Variants in ADGRA3 observed in about 807,000 individuals in gnomAD.
ADGRA3 encodes the protein adhesion G protein-coupled receptor A3, also known as G-protein coupled receptor 125.
In ADGRA3, 56 loss-of-function variants were observed where a neutral mutation model predicts 119.8. The ratio of observed to expected loss-of-function variants is 0.47; its 90% CI spans 0.38 to 0.58. ADGRA3 has a LOEUF of 0.58. Among genes scored for constraint, ADGRA3 ranks in the 20% least tolerant of loss-of-function variants. ADGRA3 has a pLI of 0.00. For missense variants in ADGRA3, 1,516 were observed against 1,649.0 expected, an observed-to-expected ratio of 0.92 and a Z score of 1.40; for synonymous variants, 607 against 623.8, an observed-to-expected ratio of 0.97 and a Z score of 0.40.
intron 6 of ADGRA3, among the ~76,000 whole-genome samples, chr4:22,443,984 C>A (rs1231097049): frequency 3.9e-5 from 6 of 152,132 alleles, no homozygotes; most frequent in African/African-American, 1.4e-4. Flanking sequence ...CACTTTAGGA[C>A]TGTTTTTGTT....
At chr4:22,391,527 A>C (rs1045266923) in intron 17 of ADGRA3, among the ~76,000 whole-genome samples, 4 of 152,076 alleles carry the variant, frequency 2.6e-5, no homozygotes, top group African/African-American at 9.7e-5. Flanking sequence ...GTTCTCCCTG[A>C]CACTGTTCTG....
In ADGRA3 at chr4:22,388,416, C is replaced by G. The variant is rs1382402404; in HGVS notation, c.3255G>C (p.Glu1085Asp). Residue 1085 changes from glutamate (E) to aspartate (D), a missense_variant, in exon 19 of 19, where the codon GAG becomes GAC. Glu to Asp is a conservative substitution (Grantham distance 45). Around this residue, in one of 2 missense-constraint regions of ADGRA3, gnomAD observed 1,088 missense variants for 1,107.1 expected, o/e 0.98. Coordinates refer to ENST00000334304, the MANE Select transcript of ADGRA3 (RefSeq NM_145290.4). ...QPPNSNGTNGEAPKCPNSSAE... is the reference protein window; with the variant it reads ...QPPNSNGTNGDAPKCPNSSAE... ...CACTGCTATTGGGGCATTTGGGTGC[C>G]TCTCCATTCGTCCCATTAGAGTTGG... 8.7e-6 allele frequency: 14 copies of G among 1,614,068 alleles called. No individual in the cohort carries two copies. The South Asian group carries it at 1.5e-4, about 18-fold the overall frequency.
intron 7 of ADGRA3, among the ~76,000 whole-genome samples, chr4:22,440,738 A>C (rs1716579070): frequency 6.6e-6 from 1 of 152,210 alleles, no homozygotes; most frequent in Admixed American, 6.5e-5. Context: ...TCTACTTTTA[A>C]AACTTTACTA....
In ADGRA3 at chr4:22,462,593, G is replaced by A. The variant is rs59383860; in HGVS notation, c.330-785C>T. Among the ~76,000 whole-genome samples the A allele has an allele frequency of 6.6e-3, 1,011 of 152,258 alleles. 9 individuals carry two copies. Among genetic ancestry groups the A allele is most frequent in the African/African-American group, 0.021 (890 of 41,556 alleles). ...GTCTTTCAAAGTGCTGGGATTACAG[G>A]CATGAGCCACTGCACTCAGCCTACG... On this transcript the variant is annotated intron_variant, in intron 2 of 18. Transcript: ENST00000334304.
chr4:22,436,820 G>C (rs1716414741), intron 8 of ADGRA3, among the ~76,000 whole-genome samples, 179 bp from the exon 9 acceptor site: 1 of 152,128 alleles, frequency 6.6e-6, no homozygotes, highest in Non-Finnish European at 1.5e-5. Context: ...CTCCAAAACT[G>C]AGAATGAAAT....
At chr4:22,423,580 T>G (rs2290953) in intron 11 of ADGRA3, among the ~76,000 whole-genome samples, 102,850 of 152,120 alleles carry the variant, frequency 0.68, 35,752 homozygotes, top group Non-Finnish European at 0.77. Context: ...GTTCAATTTA[T>G]CATAAATAAA....
At chr4:22,395,223 T>G (rs184904847) in intron 16 of ADGRA3, among the ~76,000 whole-genome samples, 1 of 152,310 alleles carries the variant, frequency 6.6e-6, no homozygotes, top group East Asian at 1.9e-4. Context: ...TATAAAATAA[T>G]TATCCTAAAA....
rs140153911 is a variant in ADGRA3 at position 22,457,661 on chromosome 4, C to T, written c.402-2724G>A. Among the ~76,000 whole-genome samples, 429 of 152,272 alleles carry T rather than the reference C, an allele frequency of 2.8e-3. 3 individuals carry two copies. Among genetic ancestry groups the T allele is most frequent in the African/African-American group, 0.01 (417 of 41,554 alleles). ...ATATCAGTAATTATATTAAATACTC[C>T]TGAATGAGAATTTTTAAAATTCATT... is the stretch of plus-strand genomic sequence containing the variant. On this transcript the variant is annotated intron_variant, in intron 3 of 18. Transcript: ENST00000334304.
intron 1 of ADGRA3, among the ~76,000 whole-genome samples, chr4:22,479,589 G>C (rs986100012): frequency 6.6e-6 from 1 of 152,096 alleles, no homozygotes. Flanking sequence ...ACAGCATGGC[G>C]ATTCCTCAAG....
intron 14 of ADGRA3, among the ~76,000 whole-genome samples, chr4:22,406,891 A>AT (rs1215492803): frequency 6.6e-6 from 1 of 152,072 alleles, no homozygotes; most frequent in Non-Finnish European, 1.5e-5. Context: ...AAAAGCCATT[A>AT]TTAGCTTTCC....
At chr4:22,464,148 A>G (rs1470730068) in intron 2 of ADGRA3, among the ~76,000 whole-genome samples, 3 of 152,184 alleles carry the variant, frequency 2.0e-5, no homozygotes, top group Admixed American at 6.5e-5. Flanking sequence ...TTAAAAAACA[A>G]AATGATTATT....
intron 2 of ADGRA3, among the ~76,000 whole-genome samples, chr4:22,470,594 TTACACCA>T (rs1443985848): frequency 1.3e-5 from 2 of 152,184 alleles, no homozygotes; most frequent in Non-Finnish European, 2.9e-5. Context: ...CAACCGTCTT[TTACACCA>T]TACCCTATCT....
intron 10 of ADGRA3, among the ~76,000 whole-genome samples, chr4:22,428,427 A>G (rs1461278178): frequency 1.3e-5 from 2 of 152,184 alleles, no homozygotes; most frequent in African/African-American, 4.8e-5. Context: ...AGTTTTTGAG[A>G]AAGGCCAAGT....
chr4:22,510,841 C>A lies in ADGRA3; in HGVS notation c.257+4687G>T, dbSNP rs530484471. Among the ~76,000 whole-genome samples the A allele has an allele frequency of 4.6e-5, 7 of 152,318 alleles. No individual in the cohort carries two copies. The South Asian group carries it at 1.5e-3, about 32-fold the overall frequency. On this transcript the variant is annotated intron_variant, in intron 1 of 18. Coordinates refer to ENST00000334304, the MANE Select transcript of ADGRA3 (RefSeq NM_145290.4). ...CCTGAAGCACTGAAACAGTCTCCAG[C>A]ACAGGATTTATTACTTAATGAGGGA...
At chr4:22,507,755 C>A (rs955268098) in intron 1 of ADGRA3, among the ~76,000 whole-genome samples, 4 of 152,124 alleles carry the variant, frequency 2.6e-5, no homozygotes, top group Non-Finnish European at 5.9e-5. Context: ...ACTGTGCCCC[C>A]AATCCTGCAA....
chr4:22,402,573 A>T (rs1714710326), intron 15 of ADGRA3, 102 bp downstream of exon 15: 10 of 1,192,006 alleles, frequency 8.4e-6, no homozygotes, highest in Non-Finnish European at 9.5e-6. Flanking sequence ...TTACTTTGGA[A>T]ATACAGGATG....
At chr4:22,474,438 T>C (rs567854364) in intron 1 of ADGRA3, among the ~76,000 whole-genome samples, 7 of 152,264 alleles carry the variant, frequency 4.6e-5, no homozygotes, top group South Asian at 2.1e-4. Context: ...CAAAATTAAA[T>C]TGAAAACAAA....
At position 22,389,281 on chromosome 4, in the gene ADGRA3, T is replaced by C. The variant is rs1209892888; in HGVS notation, c.2628-98A>G. 4 of 787,112 alleles carry C rather than the reference T, an allele frequency of 5.1e-6. No homozygotes were observed. The East Asian group carries it at 9.8e-5, about 19-fold the overall frequency. 48.8% of individuals were successfully genotyped at this position (787,112 alleles called of 1,614,324 possible). ...TACTTCAAAAGTCATTCCCTGAAGA[T>C]TAATTATTATCTTTATTCCAATAAT... On this transcript the variant is annotated intron_variant, in intron 17 of 18. Transcript: ENST00000334304.
At chr4:22,502,602 A>T (rs1364542061) in intron 1 of ADGRA3, among the ~76,000 whole-genome samples, 1 of 152,120 alleles carries the variant, frequency 6.6e-6, no homozygotes, top group Admixed American at 6.5e-5. Flanking sequence ...TTTTTAACAG[A>T]GGAAGAAAGG....
Sources: allele counts gnomAD v4.1 joint callset (sites outside exome capture counted in the v4.1 genomes callset), GRCh38; gene constraint gnomAD v4.1.1; regional missense constraint gnomAD v4.1.1; transcripts MANE v1.5; gene names NCBI Gene and HGNC (gene_info 2026-07-23, HGNC 2026-07-21).